Variants in WASF3 observed in about 807,000 individuals in gnomAD.
WASF3 encodes WASP family member 3, also known as actin-binding protein WASF3.
In WASF3, 11 loss-of-function variants were observed where a neutral mutation model predicts 46.6. The observed-to-expected ratio is 0.24, with a 90% CI of 0.15 to 0.39. The LOEUF (loss-of-function observed/expected upper bound fraction) is 0.39, where lower values mean the gene tolerates loss of function less well. WASF3 is among the 10% of genes least tolerant of loss of function. The pLI is 1.00. For synonymous variants in WASF3, 242 were observed against 259.7 expected (o/e 0.93, Z 0.65); for missense variants, 576 against 669.8 (o/e 0.86, Z 1.55).
intron 6 of WASF3, among the ~76,000 whole-genome samples, chr13:26,672,788 T>C (rs938433207): frequency 6.6e-6 from 1 of 152,156 alleles, no homozygotes; most frequent in African/African-American, 2.4e-5. Context: ...TTTTGAGGCA[T>C]TGAGGTGTGT....
intron 2 of WASF3, among the ~76,000 whole-genome samples, chr13:26,637,389 A>G (rs1296936438): frequency 3.3e-5 from 5 of 152,136 alleles, no homozygotes; most frequent in Admixed American, 3.3e-4. Context: ...TAGGGCCCAG[A>G]CCTGCATACT....
At chr13:26,628,448 T>G (rs755988364) in intron 2 of WASF3, among the ~76,000 whole-genome samples, 4 of 152,028 alleles carry the variant, frequency 2.6e-5, no homozygotes, top group Non-Finnish European at 5.9e-5. Flanking sequence ...CACAGAGAAT[T>G]AGCACAGCAA....
chr13:26,647,063 C>T (rs1882172350), intron 3 of WASF3, among the ~76,000 whole-genome samples: 2 of 152,176 alleles, frequency 1.3e-5, no homozygotes, highest in South Asian at 2.1e-4. Flanking sequence ...AGACACTTCA[C>T]TTCAAGGGCC....
intron 3 of WASF3, among the ~76,000 whole-genome samples, chr13:26,653,160 A>C (rs1053957440): frequency 6.6e-6 from 1 of 152,108 alleles, no homozygotes; most frequent in Non-Finnish European, 1.5e-5. Context: ...TGGGCTGTTC[A>C]TGCTCCTATC....
intron 1 of WASF3, among the ~76,000 whole-genome samples, chr13:26,582,706 C>CGTAG: frequency 7.1e-6 from 1 of 141,014 alleles, no homozygotes; most frequent in Admixed American, 7.2e-5. Flanking sequence ...AAAAGCCTAC[C>CGTAG]TCACAGTGTT....
At chr13:26,554,072 C>T (rs1187795407), upstream of WASF3, among the ~76,000 whole-genome samples, 7 of 85,332 alleles carry the variant, frequency 8.2e-5, no homozygotes, top group South Asian at 4.5e-4. Flanking sequence ...TCCTTCCTTC[C>T]TTCCTTCCTT....
intron 1 of WASF3, among the ~76,000 whole-genome samples, chr13:26,594,310 G>A (rs933837099): frequency 2.6e-5 from 4 of 151,968 alleles, no homozygotes; most frequent in Non-Finnish European, 5.9e-5. Flanking sequence ...TGGTTCCCCC[G>A]GTACCTCAAG....
chr13:26,554,033 CTCTTTCTT>C (rs1196121879), upstream of WASF3, among the ~76,000 whole-genome samples: 2 of 80,336 alleles, frequency 2.5e-5, no homozygotes, highest in African/African-American at 5.1e-5. Context: ...TTCCTTCTTT[CTCTTTCTT>C]TCCTTCCTTC....
intron 7 of WASF3, among the ~76,000 whole-genome samples, chr13:26,678,851 T>G (rs1302647958): frequency 6.6e-6 from 1 of 151,394 alleles, no homozygotes; most frequent in East Asian, 2.0e-4. Flanking sequence ...GCTGCCCGCC[T>G]GTCTACCCAA....
intron 1 of WASF3, among the ~76,000 whole-genome samples, chr13:26,599,133 A>G (rs927338791): frequency 8.1e-5 from 12 of 147,642 alleles, no homozygotes; most frequent in Non-Finnish European, 1.5e-4. Flanking sequence ...AAGTGCTGGG[A>G]TTACAGGCGT....
chr13:26,643,952 A>G (rs1215879241), intron 3 of WASF3, among the ~76,000 whole-genome samples: 1 of 152,204 alleles, frequency 6.6e-6, no homozygotes, highest in Non-Finnish European at 1.5e-5. Flanking sequence ...GTGTTATGTT[A>G]CGTGTAAGAG....
chr13:26,676,181 G>T (rs1029184635), intron 6 of WASF3, among the ~76,000 whole-genome samples: 1 of 152,136 alleles, frequency 6.6e-6, no homozygotes. Flanking sequence ...GTGTGGTGGC[G>T]GGAAATAATT....
rs541721589 is a variant in WASF3 at position 26,577,258 on chromosome 13, A to T, written c.-109+19439A>T. ...CAGACAGTGATTAAAGCTCATGTTG[A>T]TGTCAGGACTACCGATGGTTACTTG... is the stretch of plus-strand genomic sequence containing the variant. On this transcript the variant is annotated intron_variant, in intron 1 of 9. Coordinates refer to ENST00000335327, the MANE Select transcript of WASF3 (RefSeq NM_006646.6). The T allele has an allele frequency of 1.0e-4, 75 of 737,558 alleles. No individual in the cohort carries two copies. The African/African-American group carries it at 1.1e-3, about 11-fold the overall frequency. 45.7% of individuals were successfully genotyped at this position (737,558 alleles called of 1,614,324 possible).
intron 2 of WASF3, among the ~76,000 whole-genome samples, chr13:26,636,896 A>G (rs1881841969): frequency 1.3e-5 from 2 of 152,244 alleles, no homozygotes; most frequent in South Asian, 4.2e-4. Context: ...GATATAACAA[A>G]TTGTCTTTTC....
intron 1 of WASF3, among the ~76,000 whole-genome samples, chr13:26,597,382 G>A (rs1380691640): frequency 1.3e-5 from 2 of 152,190 alleles, no homozygotes; most frequent in Non-Finnish European, 2.9e-5. Flanking sequence ...TGATCTGCCC[G>A]CCTGGGCCTC....
chr13:26,647,994 G>T (rs7336067), intron 3 of WASF3, among the ~76,000 whole-genome samples: 68,106 of 151,962 alleles, frequency 0.45, 16,492 homozygotes, highest in Non-Finnish European at 0.55. Context: ...TGAATAGCTG[G>T]AGATTATTAT....
chr13:26,584,948 TAAGG>T, intron 1 of WASF3, among the ~76,000 whole-genome samples: 1 of 152,256 alleles, frequency 6.6e-6, no homozygotes, highest in African/African-American at 2.4e-5. Context: ...ACTAAATAGT[TAAGG>T]GAGTGGAAGA....
chr13:26,575,173 T>C (rs992335150), intron 1 of WASF3, among the ~76,000 whole-genome samples: 1 of 152,044 alleles, frequency 6.6e-6, no homozygotes, highest in Non-Finnish European at 1.5e-5. Context: ...TTTACTGTCT[T>C]GTATGCTACT....
intron 1 of WASF3, among the ~76,000 whole-genome samples, chr13:26,570,140 T>C (rs1241091738): frequency 6.6e-6 from 1 of 152,002 alleles, no homozygotes; most frequent in South Asian, 2.1e-4. Context: ...ACAAAAAAAT[T>C]AGCCGGGTGT....
Sources: gnomAD v4.1 joint callset for allele counts (sites outside exome capture counted in the v4.1 genomes callset) on GRCh38, gnomAD v4.1.1 for gene constraint, MANE v1.5 for transcripts, NCBI Gene and HGNC (gene_info 2026-07-23, HGNC 2026-07-21) for gene names.